Variants in VWF observed in about 807,000 individuals in gnomAD.
VWF encodes the protein Factor VIII related antigen.
A neutral mutation model predicts 308.6 loss-of-function variants in VWF; 176 were observed. The ratio of observed to expected loss-of-function variants is 0.57; its 90% CI spans 0.50 to 0.65. The LOEUF is 0.65. VWF is among the 30% of genes least tolerant of loss of function. The pLI is 0.00. For synonymous variants in VWF, 1,385 were observed against 1,443.4 expected, an observed-to-expected ratio of 0.96 and a Z score of 0.92; for missense variants, 3,146 against 3,648.2, an observed-to-expected ratio of 0.86 and a Z score of 3.55.
chr12:5,970,088 T>C (rs551180917), intron 44 of VWF, among the ~76,000 whole-genome samples: 2 of 152,220 alleles, frequency 1.3e-5, no homozygotes, highest in African/African-American at 4.8e-5. Context: ...AGATGAGGTG[T>C]AGAAAATGCC....
chr12:6,103,898 A>G (rs1411487957), intron 5 of VWF, among the ~76,000 whole-genome samples: 2 of 152,242 alleles, frequency 1.3e-5, no homozygotes, highest in African/African-American at 4.8e-5. Flanking sequence ...ACAGGCAACA[A>G]AAACAAAAAT....
At chr12:6,062,424 C>T (rs761524231) in intron 13 of VWF, among the ~76,000 whole-genome samples, 4 of 127,024 alleles carry the variant, frequency 3.1e-5, no homozygotes, top group Non-Finnish European at 6.4e-5. Context: ...GGGTCATTTC[C>T]AGAGAAACAG....
chr12:6,015,113 CTTTTAGTGTCCTTT>C (rs1309812667), intron 31 of VWF, among the ~76,000 whole-genome samples: 1 of 152,194 alleles, frequency 6.6e-6, no homozygotes, highest in Non-Finnish European at 1.5e-5. Flanking sequence ...TATCCTTTCC[CTTTTAGTGTCCTTT>C]ACCCTAAAAT....
At chr12:5,982,361 C>G (rs565052077) in intron 41 of VWF, among the ~76,000 whole-genome samples, 54 of 152,294 alleles carry the variant, frequency 3.5e-4, no homozygotes, top group African/African-American at 1.2e-3. Context: ...CTGCTAAGCA[C>G]TGTTCTATGC....
At chr12:6,041,598 G>A (rs170048) in intron 18 of VWF, among the ~76,000 whole-genome samples, 134,355 of 151,114 alleles carry the variant, frequency 0.89, 59,809 homozygotes, top group Middle Eastern at 0.92. Flanking sequence ...ACAGGCGCCC[G>A]CCACCACGCC....
At chr12:5,981,076 AGG>A (rs533996901) in intron 42 of VWF, among the ~76,000 whole-genome samples, 12 of 152,260 alleles carry the variant, frequency 7.9e-5, no homozygotes, top group Non-Finnish European at 1.6e-4. Context: ...GGGCATACAT[AGG>A]AACTTCATCT....
At chr12:6,059,653 C>T (rs904738288) in intron 13 of VWF, among the ~76,000 whole-genome samples, 1 of 152,024 alleles carries the variant, frequency 6.6e-6, no homozygotes, top group East Asian at 1.9e-4. Context: ...TAAAAGGGCA[C>T]AAATCTCATT....
At chr12:6,122,059 T>C (rs1945438117) in intron 2 of VWF, among the ~76,000 whole-genome samples, 1 of 152,238 alleles carries the variant, frequency 6.6e-6, no homozygotes, top group Non-Finnish European at 1.5e-5. Flanking sequence ...ATAGCATATA[T>C]ACAGCTGTGG....
At chr12:6,000,313 A>C (rs2136392361) in intron 34 of VWF, among the ~76,000 whole-genome samples, 1 of 152,382 alleles carries the variant, frequency 6.6e-6, no homozygotes, top group South Asian at 2.1e-4. Context: ...CAAAAGAATT[A>C]TATTGGTATC....
At chr12:6,012,992 C>T (rs1028951035) in intron 32 of VWF, among the ~76,000 whole-genome samples, 5 of 152,158 alleles carry the variant, frequency 3.3e-5, no homozygotes, top group African/African-American at 1.2e-4. Flanking sequence ...TGAGCCACTG[C>T]ACCTGGCCAA....
chr12:6,016,553 C>T lies in VWF; in HGVS notation c.5274G>A (p.Val1758=). 1 of 1,614,186 alleles carries T rather than the reference C, an allele frequency of 6.2e-7. No homozygotes were observed. The highest frequency in any genetic ancestry group is 1.7e-5 in the Admixed American group (1 of 60,032). ...GGCCTCCCTCCCGCTGCATGACGTC[C>T]ACAAGGCTCAGCAAATGGGCTTTCT... The part of the protein sequence containing the change: ...VPEKAHLLSL[V]DVMQREGGPS... Residue 1758 remains valine (V), a synonymous_variant, in exon 30 of 52, where the codon GTG becomes GTA. Transcript: ENST00000261405.
At chr12:6,071,464 A>G in intron 9 of VWF, 121 bp from the exon 10 acceptor site, 1 of 1,076,332 alleles carries the variant, frequency 9.3e-7, no homozygotes, top group Non-Finnish European at 1.4e-6. Flanking sequence ...AAAAGAAAAG[A>G]GCTGGTGCTA....
chr12:6,017,165 G>C (rs1005138645), intron 28 of VWF, among the ~76,000 whole-genome samples: 1 of 152,188 alleles, frequency 6.6e-6, no homozygotes, highest in Non-Finnish European at 1.5e-5. Context: ...AGGCTTCCTC[G>C]GTAAGAAGGG....
In VWF at chr12:6,013,539, G is replaced by A. The variant is rs759054869; in HGVS notation, c.5562C>T (p.Ile1854=). The A allele has an allele frequency of 1.6e-5, 26 of 1,613,982 alleles. No homozygotes were observed. The highest frequency in any genetic ancestry group is 1.2e-4 in the South Asian group (11 of 91,072). Residue 1854 remains isoleucine (I), a synonymous_variant, in exon 32 of 52, where the codon ATC becomes ATT. Coordinates refer to ENST00000261405, the MANE Select transcript of VWF (RefSeq NM_000552.5). ...GDSNVVKLQR[I]EDLPTMVTLG... ...AGGTGACCATGGTAGGGAGGTCTTCGATTCGCTGGAGCTTCACCACGTTGG... is the reference window on the plus strand; with the variant it reads ...AGGTGACCATGGTAGGGAGGTCTTCAATTCGCTGGAGCTTCACCACGTTGG...
chr12:6,055,011 AC>A (rs1944560514), intron 15 of VWF, among the ~76,000 whole-genome samples: 1 of 152,046 alleles, frequency 6.6e-6, no homozygotes, highest in East Asian at 1.9e-4. Flanking sequence ...ACAGAGACAG[AC>A]CCCTCTTGTC....
chr12:5,964,286 G>GCATA (rs1200667270), intron 47 of VWF, among the ~76,000 whole-genome samples: 5 of 134,828 alleles, frequency 3.7e-5, no homozygotes, highest in Middle Eastern at 3.8e-3. Context: ...ATACATACAT[G>GCATA]CATACATACA....
intron 21 of VWF, 58 bp downstream of exon 21, chr12:6,031,386 C>T (rs1400828554): frequency 1.9e-6 from 3 of 1,613,784 alleles, no homozygotes; most frequent in Non-Finnish European, 2.5e-6. Flanking sequence ...GAAAATGTTC[C>T]TATTAAGTGG....
chr12:6,050,417 C>T (rs1944495800), intron 16 of VWF, among the ~76,000 whole-genome samples: 1 of 152,178 alleles, frequency 6.6e-6, no homozygotes, highest in Non-Finnish European at 1.5e-5. Context: ...ATGCAGCTCC[C>T]AAAACCCACC....
intron 10 of VWF, among the ~76,000 whole-genome samples, chr12:6,070,984 C>A (rs757324174): frequency 6.6e-6 from 1 of 152,252 alleles, no homozygotes; most frequent in Non-Finnish European, 1.5e-5. Flanking sequence ...TTTAGTCAAT[C>A]ATGACCATAC....
Sources: gnomAD v4.1 joint callset for allele counts (sites outside exome capture counted in the v4.1 genomes callset) on GRCh38, gnomAD v4.1.1 for gene constraint, MANE v1.5 for transcripts, NCBI Gene and HGNC (gene_info 2026-07-23, HGNC 2026-07-21) for gene names.